Variants in DNAJC15 observed in about 807,000 individuals in gnomAD.
The protein encoded by DNAJC15 is dnaJ homolog subfamily C member 15.
DNAJC15 carries 27 observed loss-of-function variants against 22.4 expected under a neutral mutation model. That is an observed-to-expected ratio of 1.20 (90% CI 0.89 to 1.66). The LOEUF (loss-of-function observed/expected upper bound fraction) is 1.66, where lower values mean the gene tolerates loss of function less well. DNAJC15 is among the 40% of genes most tolerant of loss of function. The pLI is 0.00. For missense variants in DNAJC15, 208 were observed against 187.1 expected, an observed-to-expected ratio of 1.11 and a Z score of -0.65; for synonymous variants, 79 against 63.2, an observed-to-expected ratio of 1.25 and a Z score of -1.19.
intron 5 of DNAJC15, among the ~76,000 whole-genome samples, chr13:43,101,302 A>G (rs1287940310): frequency 3.3e-5 from 5 of 152,220 alleles, no homozygotes; most frequent in African/African-American, 7.2e-5. Flanking sequence ...TGCTGGGATT[A>G]TAGGCATTGA....
At chr13:43,065,388 TAA>T (rs889911242) in intron 1 of DNAJC15, among the ~76,000 whole-genome samples, 1 of 152,170 alleles carries the variant, frequency 6.6e-6, no homozygotes, top group African/African-American at 2.4e-5. Flanking sequence ...AACCCCCTAT[TAA>T]AAATCGTCTA....
At chr13:43,031,311 A>G (rs2040403180) in intron 1 of DNAJC15, among the ~76,000 whole-genome samples, 1 of 152,246 alleles carries the variant, frequency 6.6e-6, no homozygotes, top group South Asian at 2.1e-4. Context: ...AACTGTAGAT[A>G]GCTCCAAATG....
intron 1 of DNAJC15, among the ~76,000 whole-genome samples, chr13:43,025,503 T>A (rs1363037298): frequency 3.3e-5 from 5 of 152,186 alleles, no homozygotes; most frequent in Non-Finnish European, 7.3e-5. Context: ...TATCCTGAAA[T>A]CCTGAAGTCA....
At chr13:43,040,365 T>C (rs1394241823) in intron 1 of DNAJC15, among the ~76,000 whole-genome samples, 1 of 152,246 alleles carries the variant, frequency 6.6e-6, no homozygotes, top group Admixed American at 6.5e-5. Context: ...TTGAAATTTT[T>C]GTCTCTTTTT....
intron 1 of DNAJC15, among the ~76,000 whole-genome samples, chr13:43,055,110 T>G (rs1555274936): frequency 5.5e-4 from 71 of 128,400 alleles, no homozygotes; most frequent in African/African-American, 6.2e-4. Context: ...GGGGGAGGGG[T>G]GTTGGGGGGA....
rs118136826 is a variant in DNAJC15, at chr13:43,057,668, G to A, written c.109-8018G>A. On this transcript the variant is annotated intron_variant, in intron 1 of 5. Coordinates refer to ENST00000379221, the MANE Select transcript of DNAJC15 (RefSeq NM_013238.3). ...AGTGTGGTCTTTTGGAGATGTTAAAGAACCTTGCTTTGTCATACTACCAGA... is the reference window on the plus strand; with the variant it reads ...AGTGTGGTCTTTTGGAGATGTTAAAAAACCTTGCTTTGTCATACTACCAGA... 9.9e-3 allele frequency among the ~76,000 whole-genome samples: 1,501 copies of A among 152,250 alleles called. 15 individuals carry two copies. The highest frequency in any genetic ancestry group is 0.014 in the Non-Finnish European group (919 of 68,006).
chr13:43,105,253 C>G (rs143240787), intron 5 of DNAJC15, among the ~76,000 whole-genome samples: 1 of 152,202 alleles, frequency 6.6e-6, no homozygotes, highest in East Asian at 1.9e-4. Context: ...CACCACTATA[C>G]CACACTCTTG....
chr13:43,097,730 G>A (rs984134093), intron 5 of DNAJC15, among the ~76,000 whole-genome samples: 1 of 152,146 alleles, frequency 6.6e-6, no homozygotes, highest in Non-Finnish European at 1.5e-5. Flanking sequence ...CTGAGGTCGG[G>A]AGTTCGAGAC....
intron 1 of DNAJC15, among the ~76,000 whole-genome samples, chr13:43,043,282 A>G (rs1283420437): frequency 1.3e-5 from 2 of 151,878 alleles, no homozygotes; most frequent in African/African-American, 4.8e-5. Context: ...TAATTTTTGT[A>G]TTTTTAGTAG....
At chr13:43,098,109 A>G (rs1328279696) in intron 5 of DNAJC15, among the ~76,000 whole-genome samples, 1 of 152,222 alleles carries the variant, frequency 6.6e-6, no homozygotes, top group Non-Finnish European at 1.5e-5. Flanking sequence ...TCTATGCAAT[A>G]TCAAATACTT....
At chr13:43,072,972 T>C (rs2040615963) in intron 3 of DNAJC15, among the ~76,000 whole-genome samples, 1 of 152,246 alleles carries the variant, frequency 6.6e-6, no homozygotes, top group South Asian at 2.1e-4. Flanking sequence ...AGCCATTAAT[T>C]AGCATTTGGC....
chr13:43,085,661 A>T, intron 4 of DNAJC15, 107 bp from the exon 5 acceptor site: 1 of 768,504 alleles, frequency 1.3e-6, no homozygotes, highest in Non-Finnish European at 2.1e-6. Flanking sequence ...TGTCCACAAG[A>T]TGGTGAAATT....
intron 1 of DNAJC15, among the ~76,000 whole-genome samples, 195 bp from the exon 2 acceptor site, chr13:43,065,491 C>T (rs17064109): frequency 0.017 from 2,607 of 152,148 alleles, 91 homozygotes; most frequent in East Asian, 0.11. Context: ...AGAATCAGTT[C>T]ACTGAGAATT....
intron 5 of DNAJC15, among the ~76,000 whole-genome samples, chr13:43,105,541 G>T (rs1476037333): frequency 1.3e-5 from 2 of 152,098 alleles, no homozygotes; most frequent in African/African-American, 4.8e-5. Context: ...ACGTTATTCT[G>T]AATAAATTGT....
intron 1 of DNAJC15, among the ~76,000 whole-genome samples, chr13:43,027,712 A>T (rs943169788): frequency 7.2e-5 from 11 of 151,750 alleles, no homozygotes; most frequent in Non-Finnish European, 1.3e-4. Flanking sequence ...GCTGGAATGC[A>T]ATGGCGGGAT....
At chr13:43,063,108 C>A (rs1197384115) in intron 1 of DNAJC15, among the ~76,000 whole-genome samples, 2 of 152,154 alleles carry the variant, frequency 1.3e-5, no homozygotes, top group Non-Finnish European at 2.9e-5. Context: ...CTTCCAGGTT[C>A]AAGTGACTCT....
chr13:43,103,451 A>G (rs1387338839), intron 5 of DNAJC15, among the ~76,000 whole-genome samples: 3 of 152,234 alleles, frequency 2.0e-5, no homozygotes, highest in Non-Finnish European at 2.9e-5. Flanking sequence ...AAACCTATCT[A>G]TGGTCTAATA....
intron 3 of DNAJC15, among the ~76,000 whole-genome samples, chr13:43,077,644 CA>C (rs2040639952): frequency 6.6e-6 from 1 of 152,206 alleles, no homozygotes; most frequent in African/African-American, 2.4e-5. Flanking sequence ...TTAGGCAAGG[CA>C]ATTCCTAAAG....
Position 43,060,036 on chromosome 13 carries a change from A to G in DNAJC15, c.109-5650A>G, listed in dbSNP as rs764211822. Among the ~76,000 whole-genome samples the G allele has an allele frequency of 4.5e-4, 69 of 152,322 alleles. 1 individual carries two copies. The highest frequency in any genetic ancestry group is 1.2e-4 in the Non-Finnish European group (8 of 68,034). ...TGAGGATCTTCAGTTGCTTCGGGCT[A>G]TCTGGATGTATACGTGCAGGTCACA... On this transcript the variant is annotated intron_variant, in intron 1 of 5. Transcript: ENST00000379221.
Sources: gnomAD v4.1 joint callset for allele counts (sites outside exome capture counted in the v4.1 genomes callset) on GRCh38, gnomAD v4.1.1 for gene constraint, MANE v1.5 for transcripts, NCBI Gene and HGNC (gene_info 2026-07-23, HGNC 2026-07-21) for gene names.